CACNA1E: variants seen among roughly 807,000 people sequenced by gnomAD.
CACNA1E encodes voltage-dependent R-type calcium channel subunit alpha-1E.
CACNA1E carries 40 observed loss-of-function variants against 259.2 expected under a neutral mutation model. That is an observed-to-expected ratio of 0.15 (90% CI 0.12 to 0.20). CACNA1E has a LOEUF of 0.20. Ranked by LOEUF, CACNA1E falls within the 10% of genes least tolerant of loss-of-function variation. The pLI, the probability that CACNA1E is intolerant of heterozygous loss-of-function variation, is 1.00. For missense variants in CACNA1E, 1,874 were observed against 3,040.1 expected (o/e 0.62, Z 9.02); for synonymous variants, 1,104 against 1,138.5 (o/e 0.97, Z 0.61).
At chr1:181,641,703 G>GTTTTTTTTTTTTTTTTTTTTTTTTTTTTT (rs751082929) in intron 6 of CACNA1E, among the ~76,000 whole-genome samples, 1 of 81,116 alleles carries the variant, frequency 1.2e-5, no homozygotes, top group African/African-American at 4.4e-5. Flanking sequence ...CTAATTTTTT[G>GTTTTTTTTTTTTTTTTTTTTTTTTTTTTT]TTTTTTTTTT....
intron 1 of CACNA1E, among the ~76,000 whole-genome samples, chr1:181,399,760 CAA>C (rs982479074): frequency 6.6e-6 from 1 of 152,198 alleles, no homozygotes; most frequent in African/African-American, 2.4e-5. Flanking sequence ...CAGTGTTTCC[CAA>C]AGTGTGACTT....
chr1:181,591,459 A>C (rs971521884), intron 6 of CACNA1E, among the ~76,000 whole-genome samples: 2 of 152,218 alleles, frequency 1.3e-5, no homozygotes, highest in African/African-American at 4.8e-5. Flanking sequence ...AAGCTGATTC[A>C]AGACTGCAAT....
At chr1:181,731,577 C>T (rs1002907582) in intron 19 of CACNA1E, among the ~76,000 whole-genome samples, 7 of 152,124 alleles carry the variant, frequency 4.6e-5, no homozygotes, top group East Asian at 1.9e-4. Context: ...GGTACATGCG[C>T]GTGTCCCCTT....
At chr1:181,614,372 C>T (rs1655023841) in intron 6 of CACNA1E, among the ~76,000 whole-genome samples, 1 of 152,196 alleles carries the variant, frequency 6.6e-6, no homozygotes, top group African/African-American at 2.4e-5. Context: ...TCCAGCATCA[C>T]TAGTAGTGAC....
Position 181,796,851 on chromosome 1 carries a change from A to G in CACNA1E, c.6392A>G (p.Asn2131Ser). ...AGTGAGGGCAGGTCACAGACGCCCA[A>G]CAGACAGGTGAGCGCAGAGAGGAAG... ...SPSEGRSQTP[N>S]RQGTGSLSES... The change falls in exon 47 of 48, where the codon AAC becomes AGC. Residue 2131 changes from asparagine (N) to serine (S), a missense_variant. Around this residue, in one of 14 missense-constraint regions of CACNA1E, gnomAD observed 542 missense variants for 587.2 expected, o/e 0.92. Transcript: ENST00000367573. The G allele has an allele frequency of 6.3e-7, 1 of 1,596,372 alleles. No homozygotes were observed.
At chr1:181,749,766 G>A (rs1000116679) in intron 25 of CACNA1E, among the ~76,000 whole-genome samples, 7 of 152,212 alleles carry the variant, frequency 4.6e-5, no homozygotes, top group Admixed American at 2.0e-4. Flanking sequence ...CAGTAGAACT[G>A]GGATGATTTT....
At chr1:181,463,566 A>G (rs2102384034) in intron 2 of CACNA1E, among the ~76,000 whole-genome samples, 1 of 152,262 alleles carries the variant, frequency 6.6e-6, no homozygotes, top group Non-Finnish European at 1.5e-5. Flanking sequence ...CTGATTACTA[A>G]TGAAATTGAG....
At chr1:181,487,601 C>T (rs890101413) in intron 1 of CACNA1E, among the ~76,000 whole-genome samples, 7 of 152,214 alleles carry the variant, frequency 4.6e-5, no homozygotes, top group East Asian at 1.9e-4. Context: ...TACGATTCCT[C>T]GTTTTCATTT....
At chr1:181,762,945 C>T (rs1658713308) in intron 33 of CACNA1E, among the ~76,000 whole-genome samples, 1 of 152,200 alleles carries the variant, frequency 6.6e-6, no homozygotes, top group African/African-American at 2.4e-5. Flanking sequence ...TAGCGTTGCA[C>T]TAGAGTCTCA....
chr1:181,654,690 A>G (rs544352048), intron 7 of CACNA1E, among the ~76,000 whole-genome samples: 1 of 152,376 alleles, frequency 6.6e-6, no homozygotes, highest in South Asian at 2.1e-4. Context: ...CACATGAAAC[A>G]TAAGATATCT....
At chr1:181,468,591 G>T (rs2102402509) in intron 2 of CACNA1E, among the ~76,000 whole-genome samples, 1 of 152,306 alleles carries the variant, frequency 6.6e-6, no homozygotes, top group African/African-American at 2.4e-5. Flanking sequence ...AATGAGCCAA[G>T]CCCCTTGTAG....
chr1:181,404,985 C>T (rs909408409), intron 1 of CACNA1E, among the ~76,000 whole-genome samples: 2 of 152,228 alleles, frequency 1.3e-5, no homozygotes, highest in African/African-American at 4.8e-5. Flanking sequence ...CTCAGACTGG[C>T]TCTCCCAGTC....
At chr1:181,359,076 T>C (rs1352379246) in intron 1 of CACNA1E, among the ~76,000 whole-genome samples, 1 of 152,214 alleles carries the variant, frequency 6.6e-6, no homozygotes, top group Non-Finnish European at 1.5e-5. Context: ...TTTACCTTTC[T>C]TGGGTTTAGT....
At chr1:181,548,584 C>T (rs1647785792) in intron 3 of CACNA1E, among the ~76,000 whole-genome samples, 1 of 152,188 alleles carries the variant, frequency 6.6e-6, no homozygotes, top group Non-Finnish European at 1.5e-5. Flanking sequence ...CATGGTTGTG[C>T]TCATACATGG....
intron 37 of CACNA1E, among the ~76,000 whole-genome samples, chr1:181,775,245 C>G (rs1165528592): frequency 2.6e-5 from 4 of 152,132 alleles, no homozygotes; most frequent in Admixed American, 2.0e-4. Flanking sequence ...GGAGGGCATC[C>G]CACTGAATCT....
chr1:181,361,002 A>C (rs1359285372), intron 1 of CACNA1E, among the ~76,000 whole-genome samples: 1 of 152,148 alleles, frequency 6.6e-6, no homozygotes, highest in Non-Finnish European at 1.5e-5. Context: ...GAGGCAGGAC[A>C]CAGGGTTCCT....
At chr1:181,436,829 T>A (rs1317510890) in intron 2 of CACNA1E, among the ~76,000 whole-genome samples, 1 of 152,218 alleles carries the variant, frequency 6.6e-6, no homozygotes, top group Non-Finnish European at 1.5e-5. Flanking sequence ...GCAGATTGCG[T>A]ATTTCAAAAT....
intron 17 of CACNA1E, 77 bp downstream of exon 17, chr1:181,724,614 A>G: frequency 1.6e-6 from 2 of 1,214,212 alleles, no homozygotes; most frequent in Non-Finnish European, 2.4e-6. Context: ...CTCTCTCCCA[A>G]AGTCTACATT....
chr1:181,755,894 T>TG (rs1227111642), intron 28 of CACNA1E, 62 bp from the exon 29 acceptor site: 1 of 1,541,616 alleles, frequency 6.5e-7, no homozygotes, highest in African/African-American at 1.4e-5. Context: ...TAGAATGTGC[T>TG]GACTCTTCTG....
Sources: allele counts gnomAD v4.1 joint callset (sites outside exome capture counted in the v4.1 genomes callset), GRCh38; gene constraint gnomAD v4.1.1; regional missense constraint gnomAD v4.1.1; transcripts MANE v1.5; gene names NCBI Gene and HGNC (gene_info 2026-07-23, HGNC 2026-07-21).